Variants in SASH1 observed in about 807,000 individuals in gnomAD.
SASH1 encodes SAM and SH3 domain-containing protein 1.
In SASH1, 44 loss-of-function variants were observed where a neutral mutation model predicts 125.2. The observed-to-expected ratio is 0.35, with a 90% CI of 0.28 to 0.45. The LOEUF is 0.45. Among genes scored for constraint, SASH1 ranks in the 20% least tolerant of loss-of-function variants. The pLI, the probability that SASH1 is intolerant of heterozygous loss-of-function variation, is 1.00. For synonymous variants in SASH1, 639 were observed against 649.1 expected (o/e 0.98, Z 0.24); for missense variants, 1,426 against 1,614.5 (o/e 0.88, Z 2.00).
chr6:148,328,592 CA>C (rs67955694), intron 1 of SASH1, among the ~76,000 whole-genome samples: 15,088 of 134,570 alleles, frequency 0.11, 873 homozygotes, highest in South Asian at 0.26. Flanking sequence ...GACTCCATCT[CA>C]AAAAAAAAAA....
chr6:148,294,448 C>T (rs1157654579), intron 1 of SASH1, among the ~76,000 whole-genome samples: 3 of 152,154 alleles, frequency 2.0e-5, no homozygotes, highest in South Asian at 2.1e-4. Context: ...TCCTTCCTCA[C>T]CAGAATGAAG....
chr6:148,260,830 C>G, the SASH1 span, among the ~76,000 whole-genome samples: 5 of 111,182 alleles, frequency 4.5e-5, no homozygotes, highest in Non-Finnish European at 8.4e-5. Context: ...GAGAGAGGGT[C>G]TTGCTCTGTG....
intron 1 of SASH1, among the ~76,000 whole-genome samples, chr6:148,335,231 G>A (rs2114611804): frequency 6.6e-6 from 1 of 150,848 alleles, no homozygotes; most frequent in East Asian, 2.0e-4. Flanking sequence ...CCGGGAAGCA[G>A]AGGTTGCAGT....
At chr6:148,421,965 A>G (rs144781877) in intron 2 of SASH1, among the ~76,000 whole-genome samples, 95 of 152,292 alleles carry the variant, frequency 6.2e-4, no homozygotes, top group African/African-American at 2.1e-3. Flanking sequence ...GTCCATTATC[A>G]TAATGTGGCA....
intron 1 of SASH1, among the ~76,000 whole-genome samples, chr6:148,368,077 C>T (rs1182300417): frequency 1.3e-5 from 2 of 152,186 alleles, no homozygotes; most frequent in Non-Finnish European, 2.9e-5. Context: ...TTAACTAACC[C>T]TAAGTTTTAT....
rs1779057303 is a variant in SASH1 at position 148,490,342 on chromosome 6, AG to A, written c.729+2629del. Among the ~76,000 whole-genome samples, 3 of 152,056 alleles carry A rather than the reference AG, an allele frequency of 2.0e-5. No individual in the cohort carries two copies. The South Asian group carries it at 6.2e-4, about 32-fold the overall frequency. ...TCCTGCCTCAGCCTCCCGAGTAGTTAGGACTCAAGGTGTGCACTCCCGCACT... is the reference window on the plus strand; with the variant it reads ...TCCTGCCTCAGCCTCCCGAGTAGTTAGACTCAAGGTGTGCACTCCCGCACT... On this transcript the variant is annotated intron_variant, in intron 8 of 19. Transcript: ENST00000367467.
At chr6:148,535,531 C>G (rs149286530) in intron 16 of SASH1, among the ~76,000 whole-genome samples, 2 of 152,328 alleles carry the variant, frequency 1.3e-5, no homozygotes, top group African/African-American at 4.8e-5. Flanking sequence ...AGACGTCTCT[C>G]CGCAGTGAAT....
intron 8 of SASH1, among the ~76,000 whole-genome samples, chr6:148,512,028 TA>T (rs1454652372): frequency 6.6e-4 from 101 of 152,168 alleles, no homozygotes; most frequent in African/African-American, 2.4e-3. Context: ...TTTATTTATT[TA>T]TTTTTTTGAG....
intron 1 of SASH1, among the ~76,000 whole-genome samples, chr6:148,346,651 A>T (rs1325640412): frequency 6.6e-6 from 1 of 152,232 alleles, no homozygotes; most frequent in African/African-American, 2.4e-5. Flanking sequence ...CAGGAGTCAC[A>T]TCAAAGCATT....
intron 12 of SASH1, among the ~76,000 whole-genome samples, chr6:148,527,855 CAT>C (rs972390656): frequency 1.3e-5 from 2 of 152,124 alleles, no homozygotes; most frequent in Non-Finnish European, 2.9e-5. Flanking sequence ...GAGAGACAGA[CAT>C]GTAAAGAAAT....
At chr6:148,367,348 G>T (rs1002625934) in intron 1 of SASH1, among the ~76,000 whole-genome samples, 1 of 152,228 alleles carries the variant, frequency 6.6e-6, no homozygotes, top group Admixed American at 6.5e-5. Flanking sequence ...CCTCAGTTGA[G>T]TCTGACCATG....
chr6:148,510,923 G>A (rs1179998203), intron 8 of SASH1, among the ~76,000 whole-genome samples: 2 of 150,656 alleles, frequency 1.3e-5, no homozygotes, highest in African/African-American at 4.9e-5. Flanking sequence ...TTGAACTCAG[G>A]ACGCAGAGGT....
chr6:148,382,766 C>T (rs1320309804), intron 1 of SASH1, among the ~76,000 whole-genome samples: 2 of 152,230 alleles, frequency 1.3e-5, no homozygotes, highest in Non-Finnish European at 2.9e-5. Context: ...TCACCATGAC[C>T]GTATATGCCA....
At chr6:148,249,067 GATGAATGA>G in the SASH1 span, among the ~76,000 whole-genome samples, 13 of 151,906 alleles carry the variant, frequency 8.6e-5, no homozygotes, top group Non-Finnish European at 1.5e-4. Context: ...ATGAATAACT[GATGAATGA>G]ATGAATGAAT....
intron 1 of SASH1, among the ~76,000 whole-genome samples, chr6:148,361,675 T>A (rs1367153635): frequency 2.0e-5 from 3 of 151,724 alleles, no homozygotes; most frequent in African/African-American, 7.3e-5. Context: ...GCCCTACACC[T>A]TGGCCAGTAG....
At chr6:148,402,252 A>G (rs1784197963) in intron 2 of SASH1, among the ~76,000 whole-genome samples, 5 of 152,204 alleles carry the variant, frequency 3.3e-5, no homozygotes, top group African/African-American at 1.2e-4. Flanking sequence ...AGAGGAAAAA[A>G]CAAAGTATGG....
intron 2 of SASH1, among the ~76,000 whole-genome samples, chr6:148,410,972 C>T (rs887694220): frequency 1.3e-5 from 2 of 151,988 alleles, no homozygotes; most frequent in African/African-American, 4.8e-5. Context: ...CCAGCCTGAC[C>T]AACATGGCGA....
At chr6:148,291,207 C>A (rs1444402718) in intron 1 of SASH1, among the ~76,000 whole-genome samples, 1 of 151,750 alleles carries the variant, frequency 6.6e-6, no homozygotes, top group Non-Finnish European at 1.5e-5. Flanking sequence ...CAGATGAAAT[C>A]CATTAAAAAG....
chr6:148,366,240 C>T (rs766961383), intron 1 of SASH1, among the ~76,000 whole-genome samples: 2 of 151,960 alleles, frequency 1.3e-5, no homozygotes, highest in South Asian at 2.1e-4. Flanking sequence ...GCTGTGTTCG[C>T]GCCACTGCAG....
Sources: allele counts gnomAD v4.1 joint callset (sites outside exome capture counted in the v4.1 genomes callset), GRCh38; gene constraint gnomAD v4.1.1; transcripts MANE v1.5; gene names NCBI Gene and HGNC (gene_info 2026-07-23, HGNC 2026-07-21).